KAZN: variants seen among roughly 807,000 people sequenced by gnomAD.
KAZN encodes kazrin.
Under a neutral mutation model 87.4 loss-of-function variants are expected in KAZN, and 40 were observed. The ratio of observed to expected loss-of-function variants is 0.46; its 90% confidence interval spans 0.36 to 0.60. KAZN has a LOEUF of 0.60. KAZN is among the 20% of genes least tolerant of loss of function. KAZN has a pLI of 0.00. For synonymous variants in KAZN, 466 were observed against 458.3 expected, an observed-to-expected ratio of 1.02 and a Z score of -0.22; for missense variants, 898 against 1,073.9, an observed-to-expected ratio of 0.84 and a Z score of 2.29.
chr1:14,851,974 A>G (rs1649502628), intron 1 of KAZN, among the ~76,000 whole-genome samples: 1 of 152,170 alleles, frequency 6.6e-6, no homozygotes, highest in Non-Finnish European at 1.5e-5. Context: ...GGAATGAGAA[A>G]TGCGCCTGGA....
chr1:14,728,145 G>T lies in KAZN; in HGVS notation c.226+128922G>T, dbSNP rs564749016. On this transcript the variant is annotated intron_variant, in intron 1 of 14. Coordinates refer to ENST00000376030, the MANE Select transcript of KAZN (RefSeq NM_201628.3). ...TACTAAAAATACAAAAATTAGCCGG[G>T]TATGGTTGCGTGCACCTGTAATCCC... Among the ~76,000 whole-genome samples the T allele has an allele frequency of 2.2e-4, 34 of 151,898 alleles. No individual in the cohort carries two copies. The South Asian group carries it at 6.5e-3, about 29-fold the overall frequency.
chr1:14,303,299 C>T (rs914935320), intron 2 of KAZN, among the ~76,000 whole-genome samples: 6 of 152,082 alleles, frequency 3.9e-5, no homozygotes, highest in South Asian at 4.2e-4. Context: ...GATGGAGTGC[C>T]GTGGTGAGAT....
intron 13 of KAZN, among the ~76,000 whole-genome samples, chr1:15,107,870 T>C (rs1248301135): frequency 1.3e-5 from 2 of 152,162 alleles, no homozygotes; most frequent in African/African-American, 4.8e-5. Flanking sequence ...ATATGACTCA[T>C]ACCGACCTTG....
At chr1:14,970,833 T>C (rs1471212479) in intron 2 of KAZN, among the ~76,000 whole-genome samples, 3 of 152,238 alleles carry the variant, frequency 2.0e-5, no homozygotes, top group African/African-American at 7.2e-5. Context: ...GATACTTGTT[T>C]TGGAAACATT....
chr1:14,723,539 G>A (rs1263869880), intron 1 of KAZN, among the ~76,000 whole-genome samples: 1 of 152,216 alleles, frequency 6.6e-6, no homozygotes, highest in African/African-American at 2.4e-5. Context: ...GGCCACGATG[G>A]GGAATGAGGA....
intron 2 of KAZN, among the ~76,000 whole-genome samples, chr1:14,198,387 G>A (rs1261048884): frequency 7.2e-5 from 11 of 152,070 alleles, no homozygotes; most frequent in Admixed American, 2.0e-4. Context: ...ATCACTTGAG[G>A]CCAGGAGTTC....
At chr1:14,327,409 G>A (rs541341260) in intron 2 of KAZN, among the ~76,000 whole-genome samples, 1 of 152,142 alleles carries the variant, frequency 6.6e-6, no homozygotes, top group African/African-American at 2.4e-5. Context: ...CCCCTACCTG[G>A]AATGCCGAAC....
chr1:15,027,142 C>T (rs1406197621), intron 2 of KAZN, among the ~76,000 whole-genome samples: 2 of 122,104 alleles, frequency 1.6e-5, no homozygotes, highest in Admixed American at 1.1e-4. Flanking sequence ...AGTGCAGTGG[C>T]GCGATCTCGG....
intron 1 of KAZN, among the ~76,000 whole-genome samples, chr1:13,957,771 G>A (rs1641599819): frequency 6.6e-6 from 1 of 152,094 alleles, no homozygotes; most frequent in South Asian, 2.1e-4. Flanking sequence ...CTGGGGGATG[G>A]CGTTAATCTA....
At chr1:14,313,237 G>T (rs77106955) in intron 2 of KAZN, among the ~76,000 whole-genome samples, 1 of 151,996 alleles carries the variant, frequency 6.6e-6, no homozygotes, top group Non-Finnish European at 1.5e-5. Flanking sequence ...GCCCCCCACC[G>T]AAAGGTTATC....
At chr1:14,367,528 T>TA (rs1247169700) in intron 2 of KAZN, among the ~76,000 whole-genome samples, 1 of 152,102 alleles carries the variant, frequency 6.6e-6, no homozygotes, top group Non-Finnish European at 1.5e-5. Context: ...AATAGGGGTG[T>TA]AAGTTCTCAC....
intron 1 of KAZN, among the ~76,000 whole-genome samples, chr1:14,956,127 A>C (rs962684613): frequency 6.6e-6 from 1 of 152,180 alleles, no homozygotes; most frequent in African/African-American, 2.4e-5. Context: ...TGCAGCATAC[A>C]TGACAACTGA....
intron 2 of KAZN, among the ~76,000 whole-genome samples, chr1:14,476,949 C>A (rs578206960): frequency 6.6e-6 from 1 of 152,316 alleles, no homozygotes; most frequent in East Asian, 1.9e-4. Context: ...GAGTGTTCTT[C>A]CTGAATACCT....
chr1:14,469,735 G>T (rs763634387), intron 2 of KAZN, among the ~76,000 whole-genome samples: 8 of 152,194 alleles, frequency 5.3e-5, no homozygotes, highest in Non-Finnish European at 8.8e-5. Flanking sequence ...TTCTGGAAAA[G>T]AGGCCACGAT....
intron 1 of KAZN, among the ~76,000 whole-genome samples, chr1:13,902,354 G>A (rs1249268210): frequency 2.6e-5 from 4 of 152,144 alleles, no homozygotes; most frequent in African/African-American, 9.7e-5. Flanking sequence ...TCTTCCCCAG[G>A]GTGTAGGGGG....
At chr1:14,882,677 T>C (rs1653468504) in intron 1 of KAZN, among the ~76,000 whole-genome samples, 1 of 152,168 alleles carries the variant, frequency 6.6e-6, no homozygotes. Flanking sequence ...TCCCTTCTTC[T>C]CCCTGCACGT....
chr1:14,918,988 C>T (rs898471043), intron 1 of KAZN, among the ~76,000 whole-genome samples: 5 of 151,826 alleles, frequency 3.3e-5, no homozygotes, highest in Admixed American at 2.6e-4. Flanking sequence ...ATTTGTTATG[C>T]AGCAATAGGT....
intron 1 of KAZN, among the ~76,000 whole-genome samples, chr1:14,603,874 C>A (rs1217214798): frequency 1.3e-5 from 2 of 152,162 alleles, no homozygotes; most frequent in African/African-American, 4.8e-5. Flanking sequence ...ACTTTGCCTG[C>A]TCACCGTGCA....
rs548110717 is a variant in KAZN at position 14,260,346 on chromosome 1, G to A, written c.249+79754G>A. Among the ~76,000 whole-genome samples the A allele has an allele frequency of 1.2e-4, 18 of 152,330 alleles. No individual in the cohort carries two copies. In the South Asian group the frequency reaches 3.7e-3, roughly 32 times the overall value. On this transcript the variant is annotated intron_variant, in intron 2 of 16. Transcript: ENST00000636203. ...TTGGAGAACAGGAAGACTTACAAGG[G>A]AGGGAGGATGGTCTGGACATTTGAG... is the stretch of plus-strand genomic sequence containing the variant.
Sources: gnomAD v4.1 joint callset for allele counts (sites outside exome capture counted in the v4.1 genomes callset) on GRCh38, gnomAD v4.1.1 for gene constraint, MANE v1.5 for transcripts, NCBI Gene and HGNC (gene_info 2026-07-23, HGNC 2026-07-21) for gene names.